The following CACNA1C variants were observed in gnomAD, a reference collection of about 807,000 sequenced individuals.
CACNA1C encodes the protein calcium voltage-gated channel subunit alpha1 C, also known as voltage-dependent L-type calcium channel subunit alpha-1C.
Under a neutral mutation model 229.0 loss-of-function variants are expected in CACNA1C, and 30 were observed. The observed-to-expected ratio is 0.13, with a 90% confidence interval of 0.10 to 0.18. CACNA1C has a LOEUF of 0.18. CACNA1C is among the 10% of genes least tolerant of loss of function. CACNA1C has a pLI of 1.00. For synonymous variants in CACNA1C, 1,114 were observed against 1,132.5 expected, an observed-to-expected ratio of 0.98 and a Z score of 0.33; for missense variants, 1,658 against 2,845.0, an observed-to-expected ratio of 0.58 and a Z score of 9.49.
chr12:2,617,839 G>C (rs216012), intron 29 of CACNA1C, among the ~76,000 whole-genome samples: 132,665 of 152,274 alleles, frequency 0.87, 60,254 homozygotes, highest in Non-Finnish European at 0.99. Flanking sequence ...GAGGAGGTGG[G>C]TGCATGGGGA....
chr12:2,060,019 T>G (rs2069158510), intron 1 of CACNA1C, among the ~76,000 whole-genome samples: 1 of 152,220 alleles, frequency 6.6e-6, no homozygotes, highest in Non-Finnish European at 1.5e-5. Flanking sequence ...AAATCTATCA[T>G]TGGAAAGGTT....
intron 9 of CACNA1C, among the ~76,000 whole-genome samples, chr12:2,518,412 T>C (rs1457351768): frequency 6.6e-6 from 1 of 152,054 alleles, no homozygotes; most frequent in African/African-American, 2.4e-5. Context: ...ATTGAGACCA[T>C]CCTGGCTAAC....
At position 2,653,357 on chromosome 12, in the gene CACNA1C, A is replaced by C. The variant is rs1269025189; in HGVS notation, c.4075-478A>C. On this transcript the variant is annotated intron_variant, in intron 32 of 46. Coordinates refer to ENST00000399655, the MANE Select transcript of CACNA1C (RefSeq NM_000719.7). This position sits in a 1 kb window ranked among gnomAD's most constrained non-coding sequence, Gnocchi z 4.7. ...GATTTGAACCCATGATCTTTCTTTT[A>C]AATTTTTCCTTATTAAATGTTTCCA... 6.6e-6 allele frequency among the ~76,000 whole-genome samples: 1 copy of C among 152,132 alleles called. No individual in the cohort carries two copies. Among genetic ancestry groups the C allele is most frequent in the East Asian group, 1.9e-4 (1 of 5,202 alleles).
Position 2,403,326 on chromosome 12 carries a change from C to T in CACNA1C, c.478-45650C>T, listed in dbSNP as rs11836079. Among the ~76,000 whole-genome samples the T allele has an allele frequency of 7.4e-3, 1,127 of 152,276 alleles. 26 individuals are homozygous for T. The highest frequency in any genetic ancestry group is 0.025 in the African/African-American group (1,057 of 41,550). On this transcript the variant is annotated intron_variant, in intron 3 of 46. Transcript: ENST00000399655. This position sits in a 1 kb window ranked among gnomAD's most constrained non-coding sequence, Gnocchi z 4.1. ...CTGACTAGCTGCTTGTGTCATTGGACGAGTGACTTCCCCTCTTGTGTCAAG... is the reference window on the plus strand; with the variant it reads ...CTGACTAGCTGCTTGTGTCATTGGATGAGTGACTTCCCCTCTTGTGTCAAG...
At chr12:2,121,479 T>G (rs1440496996) in intron 3 of CACNA1C, among the ~76,000 whole-genome samples, 1 of 152,238 alleles carries the variant, frequency 6.6e-6, no homozygotes, top group African/African-American at 2.4e-5. Context: ...GCCCCAGTTT[T>G]TTCAGGTAAC....
At chr12:2,373,179 C>T (rs536907899) in intron 3 of CACNA1C, among the ~76,000 whole-genome samples, 8 of 152,302 alleles carry the variant, frequency 5.3e-5, no homozygotes, top group Non-Finnish European at 5.9e-5. Flanking sequence ...GAGTGCCTTT[C>T]AGCCTTCCTT....
chr12:2,201,041 TA>T (rs1468453226), intron 3 of CACNA1C, among the ~76,000 whole-genome samples: 2 of 152,216 alleles, frequency 1.3e-5, no homozygotes, highest in African/African-American at 4.8e-5. Flanking sequence ...CTAAGCTTCC[TA>T]AAAAACGTAT....
chr12:2,427,096 C>A (rs2099039472), intron 3 of CACNA1C, among the ~76,000 whole-genome samples: 1 of 152,164 alleles, frequency 6.6e-6, no homozygotes, highest in South Asian at 2.1e-4. Flanking sequence ...GACCAAAGAA[C>A]CCTTTAGTAG....
intron 1 of CACNA1C, among the ~76,000 whole-genome samples, chr12:2,106,866 GGGTTTCCACCTC>G (rs1332931061): frequency 1.4e-5 from 1 of 69,930 alleles, no homozygotes; most frequent in African/African-American, 4.7e-5. Flanking sequence ...ACCCTGGAGA[GGGTTTCCACCTC>G]AGCTGGGCAT....
intron 3 of CACNA1C, among the ~76,000 whole-genome samples, chr12:2,139,428 AC>A (rs2093911403): frequency 6.6e-6 from 1 of 151,000 alleles, no homozygotes; most frequent in Admixed American, 6.7e-5. Flanking sequence ...TGCAGCTCTC[AC>A]CAGCAGCGAG....
At chr12:2,644,290 T>C (rs925079071) in intron 30 of CACNA1C, among the ~76,000 whole-genome samples, 1 of 152,116 alleles carries the variant, frequency 6.6e-6, no homozygotes, top group Non-Finnish European at 1.5e-5. Context: ...TCTGCACCTT[T>C]CAAAATCAGC....
At position 2,135,307 on chromosome 12, in the gene CACNA1C, C is replaced by T. The variant is rs551979307; in HGVS notation, c.477+14877C>T. ...TGTCTGAAGCCTTCTTCTCTCAGCT[C>T]GTCAAAGTCATTCTCCATCCAGCTT... is the stretch of plus-strand genomic sequence containing the variant. On this transcript the variant is annotated intron_variant, in intron 3 of 46. Coordinates refer to ENST00000399655, the MANE Select transcript of CACNA1C (RefSeq NM_000719.7). Among the ~76,000 whole-genome samples the T allele has an allele frequency of 2.5e-3, 360 of 146,698 alleles. 13 individuals are homozygous for T. Among genetic ancestry groups the T allele is most frequent in the Non-Finnish European group, 3.7e-3 (248 of 66,822 alleles).
rs1459436816 is a variant in CACNA1C at position 2,054,583 on chromosome 12, A to G, written c.49+972A>G. 6.6e-6 allele frequency among the ~76,000 whole-genome samples: 1 copy of G among 151,966 alleles called. No individual in the cohort carries two copies. Among genetic ancestry groups the G allele is most frequent in the Non-Finnish European group, 1.5e-5 (1 of 67,972 alleles). ...CTTTCTCCCTCACCGCTCTCCCCCC[A>G]TATTAACAAGTTGTTTTCTTGGACG... is the stretch of plus-strand genomic sequence containing the variant. On this transcript the variant is annotated intron_variant, in intron 1 of 46. Transcript: ENST00000399655. This position sits in a 1 kb window ranked among gnomAD's most constrained non-coding sequence, Gnocchi z 5.5.
intron 3 of CACNA1C, among the ~76,000 whole-genome samples, chr12:2,147,412 T>C (rs188380140): frequency 6.6e-6 from 1 of 151,504 alleles, no homozygotes; most frequent in African/African-American, 2.4e-5. Flanking sequence ...CTTAGGCAAC[T>C]TTGGGGAGTG....
At position 2,436,710 on chromosome 12, in the gene CACNA1C, G is replaced by T. The variant is rs538842893; in HGVS notation, c.478-12266G>T. On this transcript the variant is annotated intron_variant, in intron 3 of 46. Transcript: ENST00000399655. ...ATAAGGGGTGGAAGCACTGGGCACC[G>T]TTGCAGAGACATCAGATGAGCCCAT... 5.9e-5 allele frequency among the ~76,000 whole-genome samples: 9 copies of T among 152,324 alleles called. No individual in the cohort carries two copies. The East Asian group carries it at 1.7e-3, about 29-fold the overall frequency.
intron 1 of CACNA1C, among the ~76,000 whole-genome samples, chr12:2,044,986 A>G (rs140517873): frequency 6.6e-6 from 1 of 152,346 alleles, no homozygotes; most frequent in African/African-American, 2.4e-5. Context: ...GTCATTTATT[A>G]TTCATCCTTG....
rs908690481 is a variant in CACNA1C at position 2,677,401 on chromosome 12, T to A, written c.4956+180T>A. On this transcript the variant is annotated intron_variant, in intron 40 of 46. Transcript: ENST00000399655. This position sits in a 1 kb window ranked among gnomAD's most constrained non-coding sequence, Gnocchi z 7.4. Reference sequence around the variant, plus strand: ...GAGAAGGGGGTGATGTGCCCTTCCCTACCTGCCACCCACCGACTGCCCTCC... The same window carrying A: ...GAGAAGGGGGTGATGTGCCCTTCCCAACCTGCCACCCACCGACTGCCCTCC... The A allele has an allele frequency of 1.2e-4, 80 of 675,900 alleles. 1 individual carries two copies. The African/African-American group carries it at 1.3e-3, about 11-fold the overall frequency. The allele number at this position is 675,900 out of a possible 1,614,324, so 41.9% of individuals were successfully genotyped here. A position where few individuals can be genotyped will look rare whatever the true frequency, so the allele number is the denominator to read the frequency against.
In CACNA1C at chr12:2,611,851, A is replaced by G; in HGVS notation, c.3718-52A>G. ...GAAGGCTGGGCAAAAGGTGGGGAGG[A>G]GGAGCGACCTCCCTGCCCCGTGTTC... is the stretch of plus-strand genomic sequence containing the variant. On this transcript the variant is annotated intron_variant, in intron 28 of 46. Coordinates refer to ENST00000399655, the MANE Select transcript of CACNA1C (RefSeq NM_000719.7). The G allele has an allele frequency of 3.5e-6, 4 of 1,154,418 alleles. No homozygotes were observed. The South Asian group carries it at 5.0e-5, about 15-fold the overall frequency. 71.5% of individuals were successfully genotyped at this position (1,154,418 alleles called of 1,614,324 possible). A position where few individuals can be genotyped will look rare whatever the true frequency, so the allele number is the denominator to read the frequency against.
intron 3 of CACNA1C, among the ~76,000 whole-genome samples, chr12:2,399,581 T>G (rs111401358): frequency 3.9e-4 from 60 of 152,316 alleles, no homozygotes; most frequent in African/African-American, 1.3e-3. Context: ...CCTCTTCTCC[T>G]CTCAATGTTC....
Sources: allele counts gnomAD v4.1 joint callset (sites outside exome capture counted in the v4.1 genomes callset), GRCh38; gene constraint gnomAD v4.1.1; non-coding constraint Gnocchi (gnomAD v3.1); transcripts MANE v1.5; gene names NCBI Gene and HGNC (gene_info 2026-07-23, HGNC 2026-07-21).